The following MAGI2 variants were observed in gnomAD, a reference collection of about 807,000 sequenced individuals.
The protein encoded by MAGI2 is membrane associated guanylate kinase, WW and PDZ domain containing 2.
A neutral mutation model predicts 133.3 loss-of-function variants in MAGI2; 35 were observed. The observed-to-expected ratio is 0.26, with a 90% CI of 0.20 to 0.35. MAGI2 has a LOEUF of 0.35. Among genes scored for constraint, MAGI2 ranks in the 10% least tolerant of loss-of-function variants. MAGI2 has a pLI of 1.00. For missense variants in MAGI2, 1,636 were observed against 1,863.4 expected (o/e 0.88, Z 2.25); for synonymous variants, 729 against 710.6 (o/e 1.03, Z -0.41).
At position 79,148,649 on chromosome 7, in the gene MAGI2, A is replaced by T. The variant is rs1027565611; in HGVS notation, c.302-141443T>A. On this transcript the variant is annotated intron_variant, in intron 1 of 21. Coordinates refer to ENST00000354212, the MANE Select transcript of MAGI2 (RefSeq NM_012301.4). ...CAGAGGTAACTCACTCTGGCCATGG[A>T]TGTGTTTGTGCTTGAGGTCTCTCTC... is the stretch of plus-strand genomic sequence containing the variant. Among the ~76,000 whole-genome samples the T allele has an allele frequency of 9.2e-5, 14 of 151,662 alleles. No individual in the cohort carries two copies. In the East Asian group the frequency reaches 2.3e-3, roughly 25 times the overall value.
At chr7:78,591,892 A>G (rs1804041492) in intron 3 of MAGI2, among the ~76,000 whole-genome samples, 1 of 152,244 alleles carries the variant, frequency 6.6e-6, no homozygotes, top group Non-Finnish European at 1.5e-5. Flanking sequence ...AGATGTTACA[A>G]ACAATAAAAG....
At chr7:78,813,258 C>G (rs534152470) in intron 2 of MAGI2, among the ~76,000 whole-genome samples, 1 of 152,028 alleles carries the variant, frequency 6.6e-6, no homozygotes, top group African/African-American at 2.4e-5. Flanking sequence ...AACCACAGAC[C>G]AGTATCCCTC....
intron 2 of MAGI2, among the ~76,000 whole-genome samples, chr7:78,744,788 T>A (rs185256903): frequency 3.3e-4 from 50 of 152,344 alleles, no homozygotes; most frequent in African/African-American, 9.6e-4. Context: ...TTACAGACAA[T>A]TTAGTCATAT....
chr7:79,054,175 G>A lies in MAGI2; in HGVS notation c.302-46969C>T, dbSNP rs148454570. Among the ~76,000 whole-genome samples the A allele has an allele frequency of 1.7e-3, 261 of 152,210 alleles. 1 individual carries two copies. The highest frequency in any genetic ancestry group is 5.8e-3 in the African/African-American group (242 of 41,532). ...TGGACCACTCCACTCCAGCTTGGGCGACATAGCGAGACTCTGTCTCAATCA... is the reference window on the plus strand; with the variant it reads ...TGGACCACTCCACTCCAGCTTGGGCAACATAGCGAGACTCTGTCTCAATCA... On this transcript the variant is annotated intron_variant, in intron 1 of 21. Coordinates refer to ENST00000354212, the MANE Select transcript of MAGI2 (RefSeq NM_012301.4).
intron 9 of MAGI2, among the ~76,000 whole-genome samples, chr7:78,263,852 T>G (rs1232233156): frequency 6.6e-6 from 1 of 152,142 alleles, no homozygotes; most frequent in Non-Finnish European, 1.5e-5. Context: ...GTCTCCTGCT[T>G]TTTCCAACCT....
intron 1 of MAGI2, among the ~76,000 whole-genome samples, chr7:79,393,074 T>A (rs1016803453): frequency 1.3e-5 from 2 of 152,230 alleles, no homozygotes; most frequent in African/African-American, 4.8e-5. Context: ...TCTCCACTAG[T>A]ATCTATTTGC....
At chr7:78,253,084 A>G (rs1263645091) in intron 10 of MAGI2, 1 of 152,238 alleles carries the variant, frequency 6.6e-6, no homozygotes, top group African/African-American at 2.4e-5. Flanking sequence ...TACCCAAGAA[A>G]AATGAAAACA....
chr7:78,863,733 G>C lies in MAGI2; in HGVS notation c.418+143357C>G, dbSNP rs1003805562. Among the ~76,000 whole-genome samples, 7 of 152,316 alleles carry C rather than the reference G, an allele frequency of 4.6e-5. No homozygotes were observed. The East Asian group carries it at 1.4e-3, about 29-fold the overall frequency. ...CTAGTTATAAGATCAGTCATTCTTT[G>C]AGCTGATAAAGGCCAGAGAGTCCTT... On this transcript the variant is annotated intron_variant, in intron 2 of 21. Transcript: ENST00000354212.
chr7:78,157,747 G>T (rs372907221), intron 16 of MAGI2, among the ~76,000 whole-genome samples: 3 of 152,166 alleles, frequency 2.0e-5, no homozygotes, highest in African/African-American at 7.2e-5. Context: ...TTATTGGAAG[G>T]CTGTTTATAT....
At chr7:78,493,981 T>C (rs67887531) in intron 5 of MAGI2, among the ~76,000 whole-genome samples, 31,375 of 151,938 alleles carry the variant, frequency 0.21, 5,203 homozygotes, top group African/African-American at 0.46. Flanking sequence ...TCCTATTCTT[T>C]TTTTTTTCTT....
intron 3 of MAGI2, among the ~76,000 whole-genome samples, chr7:78,544,491 A>G (rs923226272): frequency 1.3e-5 from 2 of 152,206 alleles, no homozygotes; most frequent in Admixed American, 6.6e-5. Flanking sequence ...ATATCTGACT[A>G]TAATCTCTCT....
intron 1 of MAGI2, among the ~76,000 whole-genome samples, chr7:79,141,167 C>T (rs1224399615): frequency 1.3e-5 from 2 of 151,794 alleles, no homozygotes; most frequent in Non-Finnish European, 2.9e-5. Context: ...CCGCTCTTGA[C>T]AGTTTTTCAA....
At chr7:78,832,079 C>T (rs1791216326) in intron 2 of MAGI2, among the ~76,000 whole-genome samples, 1 of 151,526 alleles carries the variant, frequency 6.6e-6, no homozygotes, top group African/African-American at 2.4e-5. Context: ...CTTTCTTTCT[C>T]TTGCTATTTT....
At chr7:78,094,362 G>T (rs1166126388) in intron 20 of MAGI2, among the ~76,000 whole-genome samples, 1 of 152,042 alleles carries the variant, frequency 6.6e-6, no homozygotes, top group Non-Finnish European at 1.5e-5. Flanking sequence ...GTAATCTTTG[G>T]ATATCTTTCA....
chr7:78,750,465 A>G (rs972910164), intron 2 of MAGI2, among the ~76,000 whole-genome samples: 22 of 152,220 alleles, frequency 1.4e-4, no homozygotes, highest in Non-Finnish European at 1.2e-4. Context: ...GAATCACCAC[A>G]CTGTCTTCCA....
intron 2 of MAGI2, among the ~76,000 whole-genome samples, chr7:78,979,641 T>C (rs1804611599): frequency 6.6e-6 from 1 of 151,838 alleles, no homozygotes; most frequent in Admixed American, 6.6e-5. Context: ...TTCACTCTGT[T>C]CTCAAGTTCA....
At chr7:78,341,087 C>G (rs1421329429) in intron 9 of MAGI2, among the ~76,000 whole-genome samples, 1 of 152,140 alleles carries the variant, frequency 6.6e-6, no homozygotes, top group African/African-American at 2.4e-5. Flanking sequence ...ACTCCTTATG[C>G]TGATAATAAG....
intron 1 of MAGI2, among the ~76,000 whole-genome samples, chr7:79,025,832 T>C (rs562048472): frequency 1.3e-5 from 2 of 152,300 alleles, no homozygotes; most frequent in South Asian, 2.1e-4. Context: ...CCTACAAGTA[T>C]TGTAAACTGG....
At chr7:78,480,265 A>T (rs1563061260) in intron 6 of MAGI2, among the ~76,000 whole-genome samples, 1 of 151,896 alleles carries the variant, frequency 6.6e-6, no homozygotes, top group Non-Finnish European at 1.5e-5. Context: ...TTAAAGAAAA[A>T]ATTGACACCA....
Sources: gnomAD v4.1 joint callset for allele counts (sites outside exome capture counted in the v4.1 genomes callset) on GRCh38, gnomAD v4.1.1 for gene constraint, MANE v1.5 for transcripts, NCBI Gene and HGNC (gene_info 2026-07-23, HGNC 2026-07-21) for gene names.